Variants in RBM19 observed in about 807,000 individuals in gnomAD.
RBM19 encodes RNA binding motif protein 19, also known as probable RNA-binding protein 19.
Under a neutral mutation model 116.8 loss-of-function variants are expected in RBM19, and 94 were observed. The observed-to-expected ratio is 0.80, with a 90% CI of 0.68 to 0.95. The LOEUF (loss-of-function observed/expected upper bound fraction) is 0.95, where lower values mean the gene tolerates loss of function less well. Among genes scored for constraint, RBM19 ranks in the 40% least tolerant of loss-of-function variants. The pLI, the probability that RBM19 is intolerant of heterozygous loss-of-function variation, is 0.00. For missense variants in RBM19, 1,161 were observed against 1,220.7 expected (o/e 0.95, Z 0.73); for synonymous variants, 475 against 494.1 (o/e 0.96, Z 0.51).
chr12:113,933,996 AG>A (rs1469512397), intron 16 of RBM19, among the ~76,000 whole-genome samples: 5 of 152,212 alleles, frequency 3.3e-5, no homozygotes, highest in Non-Finnish European at 7.3e-5. Flanking sequence ...TCTGTCACCC[AG>A]GCTGAGTGTA....
intron 21 of RBM19, among the ~76,000 whole-genome samples, chr12:113,900,850 C>G (rs1455281823): frequency 2.0e-5 from 3 of 152,204 alleles, no homozygotes; most frequent in Non-Finnish European, 4.4e-5. Context: ...GTCTGCAAAG[C>G]CAGCTTCTCC....
At chr12:113,817,368 G>GATGAATGA (rs35136498), downstream of RBM19, 4 of 152,202 alleles carry the variant, frequency 2.6e-5, no homozygotes, top group Non-Finnish European at 5.9e-5. Context: ...GTGTCTGATG[G>GATGAATGA]ATGAATGAAT....
At chr12:113,860,063 C>A (rs1452031702) in intron 21 of RBM19, among the ~76,000 whole-genome samples, 1 of 152,224 alleles carries the variant, frequency 6.6e-6, no homozygotes, top group African/African-American at 2.4e-5. Context: ...TGAATCTGCA[C>A]GTCTCCTCGG....
At chr12:113,949,939 A>G (rs11066843) in intron 9 of RBM19, 144 bp downstream of exon 9, 91,159 of 714,158 alleles carry the variant, frequency 0.13, 7,357 homozygotes, top group African/African-American at 0.32. Context: ...GCTCCCTGCC[A>G]TGTCCCCAGT....
intron 21 of RBM19, among the ~76,000 whole-genome samples, chr12:113,882,047 GCA>G (rs1311594770): frequency 6.6e-6 from 1 of 152,230 alleles, no homozygotes; most frequent in Non-Finnish European, 1.5e-5. Context: ...GCCCCCATGG[GCA>G]AGTCACAGAG....
chr12:113,885,577 T>A, intron 21 of RBM19, among the ~76,000 whole-genome samples: 1 of 152,204 alleles, frequency 6.6e-6, no homozygotes. Flanking sequence ...AATTTCCTGG[T>A]TTTGATAACT....
chr12:113,849,395 T>C (rs1877269607), intron 22 of RBM19, among the ~76,000 whole-genome samples: 1 of 152,240 alleles, frequency 6.6e-6, no homozygotes, highest in African/African-American at 2.4e-5. Context: ...AGGCTGGTCC[T>C]AGCTGGGGAC....
chr12:113,947,085 T>C (rs1871089520), intron 11 of RBM19, among the ~76,000 whole-genome samples: 1 of 152,236 alleles, frequency 6.6e-6, no homozygotes, highest in Non-Finnish European at 1.5e-5. Flanking sequence ...ATTTTTTCAG[T>C]GCCTGCTAAG....
chr12:113,922,396 G>T (rs973071135), intron 18 of RBM19, among the ~76,000 whole-genome samples: 3 of 152,096 alleles, frequency 2.0e-5, no homozygotes, highest in African/African-American at 7.2e-5. Context: ...TCAAATACAG[G>T]CCCTTGAAAA....
chr12:113,875,441 C>A (rs535128701), intron 21 of RBM19, among the ~76,000 whole-genome samples: 2 of 152,128 alleles, frequency 1.3e-5, no homozygotes, highest in East Asian at 3.9e-4. Flanking sequence ...GAGGTCTAAT[C>A]GGGTCTGTGC....
Position 113,877,479 on chromosome 12 carries a change from T to C in RBM19, c.2559-18583A>G, listed in dbSNP as rs190322338. ...GCAGCTGTCTTCTCCCCGGCCATGG[T>C]GAAACCTGGGGGCCTGAGTGACTAT... On this transcript the variant is annotated intron_variant, in intron 21 of 23. Coordinates refer to ENST00000261741, the MANE Select transcript of RBM19 (RefSeq NM_016196.4). 5.1e-3 allele frequency among the ~76,000 whole-genome samples: 772 copies of C among 152,238 alleles called. 8 individuals are homozygous for C. Among genetic ancestry groups the C allele is most frequent in the South Asian group, 0.032 (152 of 4,820 alleles).
At chr12:113,843,536 G>A (rs1207128108) in intron 23 of RBM19, among the ~76,000 whole-genome samples, 1 of 152,216 alleles carries the variant, frequency 6.6e-6, no homozygotes, top group East Asian at 1.9e-4. Context: ...TCCCCAGCTG[G>A]GTGAACCATC....
chr12:113,819,676 G>A (rs1281265541), downstream of RBM19, among the ~76,000 whole-genome samples: 2 of 152,142 alleles, frequency 1.3e-5, no homozygotes, highest in South Asian at 2.1e-4. Context: ...CAGTGACAGC[G>A]GTGACTCAGT....
intron 21 of RBM19, among the ~76,000 whole-genome samples, chr12:113,897,349 A>G (rs1237451802): frequency 6.6e-6 from 1 of 152,188 alleles, no homozygotes; most frequent in African/African-American, 2.4e-5. Flanking sequence ...TATTTTTAGT[A>G]GAGATGGGGT....
chr12:113,954,828 C>A (rs1019325837), intron 7 of RBM19, among the ~76,000 whole-genome samples: 4 of 152,130 alleles, frequency 2.6e-5, no homozygotes, highest in Admixed American at 2.6e-4. Flanking sequence ...GTGTTGATCA[C>A]GAAGTCTTAA....
chr12:113,958,079 G>C (rs761140105), intron 5 of RBM19, 29 bp from the exon 6 acceptor site: 18 of 1,588,798 alleles, frequency 1.1e-5, no homozygotes, highest in Non-Finnish European at 1.5e-5. Flanking sequence ...TGGGATCAGC[G>C]ACAGCTATGA....
chr12:113,940,486 T>C (rs1011946849), intron 14 of RBM19, among the ~76,000 whole-genome samples: 3 of 152,160 alleles, frequency 2.0e-5, no homozygotes, highest in Non-Finnish European at 4.4e-5. Context: ...TACCAAGGCT[T>C]TTTTTCCTGA....
At chr12:113,871,900 C>T (rs1386962284) in intron 21 of RBM19, among the ~76,000 whole-genome samples, 1 of 151,970 alleles carries the variant, frequency 6.6e-6, no homozygotes. Context: ...AGCCGCCTGC[C>T]TTGGCCTCCC....
At chr12:113,887,696 C>T (rs557016370) in intron 21 of RBM19, among the ~76,000 whole-genome samples, 1 of 150,340 alleles carries the variant, frequency 6.7e-6, no homozygotes, top group Non-Finnish European at 1.5e-5. Flanking sequence ...GATCTGATTT[C>T]ACTGATCTTG....
Sources: allele counts gnomAD v4.1 joint callset (sites outside exome capture counted in the v4.1 genomes callset), GRCh38; gene constraint gnomAD v4.1.1; transcripts MANE v1.5; gene names NCBI Gene and HGNC (gene_info 2026-07-23, HGNC 2026-07-21).